NRXN1: variants seen among roughly 807,000 people sequenced by gnomAD.
NRXN1 encodes the protein neurexin 1.
A neutral mutation model predicts 150.9 loss-of-function variants in NRXN1; 39 were observed. The observed-to-expected ratio is 0.26, with a 90% CI of 0.20 to 0.34. NRXN1 has a LOEUF of 0.34. Among genes scored for constraint, NRXN1 ranks in the 10% least tolerant of loss-of-function variants. The pLI, the probability that NRXN1 is intolerant of heterozygous loss-of-function variation, is 1.00. For synonymous variants in NRXN1, 924 were observed against 757.0 expected, an observed-to-expected ratio of 1.22 and a Z score of -3.62; for missense variants, 1,815 against 1,949.9, an observed-to-expected ratio of 0.93 and a Z score of 1.30.
rs114756219 is a variant in NRXN1, at chr2:50,793,909, G to A, written c.832+127960C>T. 2.5e-3 allele frequency among the ~76,000 whole-genome samples: 375 copies of A among 152,154 alleles called. 4 individuals carry two copies. Among genetic ancestry groups the A allele is most frequent in the Non-Finnish European group, 3.0e-3 (202 of 67,964 alleles). ...TTATATTTCAATGAGAGACAGCAAT[G>A]TTTTCACTGGGGGGCAATTCTGAAC... On this transcript the variant is annotated intron_variant, in intron 5 of 22. Coordinates refer to ENST00000401669, the MANE Select transcript of NRXN1 (RefSeq NM_001330078.2).
chr2:50,343,396 C>T (rs2077695489), intron 17 of NRXN1, among the ~76,000 whole-genome samples: 1 of 152,046 alleles, frequency 6.6e-6, no homozygotes, highest in Non-Finnish European at 1.5e-5. Context: ...CGTTAAGTAG[C>T]ATTCTTAATT....
chr2:50,403,803 A>G (rs2082556340), intron 17 of NRXN1, among the ~76,000 whole-genome samples: 1 of 152,092 alleles, frequency 6.6e-6, no homozygotes, highest in Non-Finnish European at 1.5e-5. Flanking sequence ...AGATTATTTC[A>G]TTAGAAGAGA....
At chr2:50,000,923 G>A (rs1237165487) in intron 21 of NRXN1, among the ~76,000 whole-genome samples, 2 of 152,146 alleles carry the variant, frequency 1.3e-5, no homozygotes, top group African/African-American at 2.4e-5. Flanking sequence ...TCATCCAGGG[G>A]TTGTTCAATT....
intron 17 of NRXN1, among the ~76,000 whole-genome samples, chr2:50,392,597 A>C (rs1483869599): frequency 6.6e-6 from 1 of 152,202 alleles, no homozygotes; most frequent in African/African-American, 2.4e-5. Context: ...AATAATTTCA[A>C]CTTTAGGGGA....
At chr2:50,943,769 A>G (rs922900358) in intron 2 of NRXN1, among the ~76,000 whole-genome samples, 1 of 148,794 alleles carries the variant, frequency 6.7e-6, no homozygotes, top group Non-Finnish European at 1.5e-5. Context: ...AGGTAAAGAA[A>G]AATGTAATGT....
chr2:51,026,417 G>C (rs1431175976), intron 2 of NRXN1: 1 of 1,604,196 alleles, frequency 6.2e-7, no homozygotes, highest in Non-Finnish European at 8.5e-7. Flanking sequence ...ATTTTCCTTG[G>C]TCATTGTCAT....
chr2:50,234,459 A>T lies in NRXN1; in HGVS notation c.3546+2330T>A, dbSNP rs192256253. 3.5e-3 allele frequency among the ~76,000 whole-genome samples: 532 copies of T among 152,152 alleles called. 1 individual carries two copies. The highest frequency in any genetic ancestry group is 0.012 in the African/African-American group (495 of 41,524). Reference sequence around the variant, plus strand: ...CAGTGAACTGAGATTGCATCATTGCACTCCAGCCTGGGCAACAAGAGCGAA... The same window carrying T: ...CAGTGAACTGAGATTGCATCATTGCTCTCCAGCCTGGGCAACAAGAGCGAA... On this transcript the variant is annotated intron_variant, in intron 18 of 22. Transcript: ENST00000401669.
intron 5 of NRXN1, among the ~76,000 whole-genome samples, chr2:50,820,247 T>C (rs1669530201): frequency 1.3e-5 from 2 of 152,102 alleles, no homozygotes; most frequent in South Asian, 4.1e-4. Flanking sequence ...TAGTGCAGAA[T>C]TGCTTTCTGA....
At chr2:50,310,825 C>A (rs1403428092) in intron 17 of NRXN1, among the ~76,000 whole-genome samples, 1 of 152,116 alleles carries the variant, frequency 6.6e-6, no homozygotes, top group Non-Finnish European at 1.5e-5. Context: ...GAGATTAACA[C>A]AGCAGACAGA....
At chr2:50,842,144 C>T (rs1049871925) in intron 5 of NRXN1, among the ~76,000 whole-genome samples, 3 of 152,128 alleles carry the variant, frequency 2.0e-5, no homozygotes, top group African/African-American at 4.8e-5. Flanking sequence ...TTACCTGTCA[C>T]CAGCAAAAAT....
intron 5 of NRXN1, among the ~76,000 whole-genome samples, chr2:50,802,438 G>A (rs1482336728): frequency 6.6e-6 from 1 of 151,454 alleles, no homozygotes; most frequent in East Asian, 2.0e-4. Context: ...GTTGCAGTGA[G>A]CTGAGATCGC....
At chr2:50,163,257 A>G (rs73932964) in intron 18 of NRXN1, among the ~76,000 whole-genome samples, 2,863 of 151,528 alleles carry the variant, frequency 0.019, 99 homozygotes, top group African/African-American at 0.066. Context: ...TCTTTAGCCT[A>G]GCAGACGTCC....
chr2:50,038,578 C>T (rs1690406810), intron 21 of NRXN1, among the ~76,000 whole-genome samples: 1 of 152,290 alleles, frequency 6.6e-6, no homozygotes, highest in Middle Eastern at 3.4e-3. Context: ...TACTGAGCCA[C>T]AGGCACCCAG....
intron 20 of NRXN1, 66 bp from the exon 21 acceptor site, chr2:50,053,656 T>C (rs1224759164): frequency 1.3e-6 from 2 of 1,504,836 alleles, no homozygotes; most frequent in East Asian, 2.3e-5. Flanking sequence ...CAATGGATGA[T>C]AAAACAGATC....
chr2:50,143,717 A>G (rs1042724036), intron 18 of NRXN1, among the ~76,000 whole-genome samples: 1 of 151,772 alleles, frequency 6.6e-6, no homozygotes, highest in African/African-American at 2.4e-5. Flanking sequence ...GCTTTACCCT[A>G]CTGTTTCAAT....
chr2:50,067,977 C>T (rs906400805), intron 19 of NRXN1, among the ~76,000 whole-genome samples: 1 of 152,078 alleles, frequency 6.6e-6, no homozygotes, highest in Non-Finnish European at 1.5e-5. Context: ...TTAATCTAGT[C>T]TTCTTAATAT....
chr2:51,014,558 GA>G, intron 2 of NRXN1, among the ~76,000 whole-genome samples: 1 of 152,098 alleles, frequency 6.6e-6, no homozygotes, highest in Non-Finnish European at 1.5e-5. Context: ...AGACTTCTTT[GA>G]AACACAGGAG....
At chr2:49,970,238 C>A (rs111714986) in intron 21 of NRXN1, 8 of 151,908 alleles carry the variant, frequency 5.3e-5, no homozygotes, top group African/African-American at 1.9e-4. Context: ...ATATATAGCA[C>A]AACACTGAAA....
chr2:50,260,878 G>T (rs934628677), intron 17 of NRXN1, among the ~76,000 whole-genome samples: 21 of 151,646 alleles, frequency 1.4e-4, no homozygotes, highest in Non-Finnish European at 1.5e-5. Flanking sequence ...CTCTTCTCCT[G>T]TTCCTCTACG....
Sources: gnomAD v4.1 joint callset for allele counts (sites outside exome capture counted in the v4.1 genomes callset) on GRCh38, gnomAD v4.1.1 for gene constraint, MANE v1.5 for transcripts, NCBI Gene and HGNC (gene_info 2026-07-23, HGNC 2026-07-21) for gene names.